KCNMA1: variants seen among roughly 807,000 people sequenced by gnomAD.
The protein encoded by KCNMA1 is Calcium-activated potassium channel subunit alpha-1.
KCNMA1 carries 29 observed loss-of-function variants against 140.0 expected under a neutral mutation model. That is an observed-to-expected ratio of 0.21 (90% CI 0.15 to 0.28). KCNMA1 has a LOEUF of 0.28. KCNMA1 is among the 10% of genes least tolerant of loss of function. The probability of loss-of-function intolerance (pLI) is 1.00; values close to 1 mark genes in which losing one functional copy is unlikely to be tolerated. For synonymous variants in KCNMA1, 612 were observed against 611.9 expected, an observed-to-expected ratio of 1.00 and a Z score of 0.00; for missense variants, 880 against 1,602.2, an observed-to-expected ratio of 0.55 and a Z score of 7.70.
intron 3 of KCNMA1, among the ~76,000 whole-genome samples, chr10:77,202,976 G>T (rs1387573892): frequency 6.6e-6 from 1 of 152,166 alleles, no homozygotes; most frequent in African/African-American, 2.4e-5. Flanking sequence ...TGGAATTGAA[G>T]CCTCAGCAAA....
intron 14 of KCNMA1, among the ~76,000 whole-genome samples, chr10:77,056,569 A>T (rs2095548127): frequency 6.6e-6 from 1 of 151,668 alleles, no homozygotes. Flanking sequence ...GAAAATCTCA[A>T]CTTGCATGGA....
At chr10:76,985,849 T>C (rs1234135803) in intron 19 of KCNMA1, among the ~76,000 whole-genome samples, 2 of 152,214 alleles carry the variant, frequency 1.3e-5, no homozygotes, top group African/African-American at 4.8e-5. Flanking sequence ...AAATAAAGTG[T>C]AGCCTGTGAA....
intron 10 of KCNMA1, 22 bp from the exon 11 acceptor site, chr10:77,086,615 C>G: frequency 6.4e-7 from 1 of 1,554,874 alleles, no homozygotes; most frequent in Non-Finnish European, 8.9e-7. Flanking sequence ...GAGAAGAAAT[C>G]GCTATTAATT....
chr10:77,516,923 G>A (rs1373487606), intron 1 of KCNMA1, among the ~76,000 whole-genome samples: 1 of 152,038 alleles, frequency 6.6e-6, no homozygotes, highest in Non-Finnish European at 1.5e-5. Context: ...GCATCACTGG[G>A]GAACAGGTGT....
At chr10:76,892,917 T>G (rs2040814335) in intron 25 of KCNMA1, among the ~76,000 whole-genome samples, 1 of 152,142 alleles carries the variant, frequency 6.6e-6, no homozygotes, top group African/African-American at 2.4e-5. Context: ...AAACACCCAT[T>G]GTGATACAAA....
chr10:77,023,834 T>C (rs1156413116), intron 16 of KCNMA1, among the ~76,000 whole-genome samples: 2 of 152,116 alleles, frequency 1.3e-5, no homozygotes, highest in African/African-American at 2.4e-5. Flanking sequence ...TAGGATACCA[T>C]TGGAGACACA....
At chr10:77,571,496 CA>C (rs1308023115) in intron 1 of KCNMA1, among the ~76,000 whole-genome samples, 2 of 152,202 alleles carry the variant, frequency 1.3e-5, no homozygotes, top group Admixed American at 6.5e-5. Flanking sequence ...CTTATGATTA[CA>C]AATTCTCACA....
intron 2 of KCNMA1, among the ~76,000 whole-genome samples, chr10:77,389,545 G>A (rs1355387637): frequency 1.3e-5 from 2 of 152,086 alleles, no homozygotes; most frequent in Non-Finnish European, 2.9e-5. Flanking sequence ...TGGAAAGGAG[G>A]CTCTTCCAGT....
intron 15 of KCNMA1, among the ~76,000 whole-genome samples, chr10:77,032,111 A>C (rs1200897061): frequency 1.3e-5 from 2 of 152,170 alleles, no homozygotes; most frequent in African/African-American, 2.4e-5. Flanking sequence ...TTCAATCCAC[A>C]ATGCCAAGAT....
At chr10:77,233,570 G>A (rs1004730780) in intron 3 of KCNMA1, among the ~76,000 whole-genome samples, 10 of 152,206 alleles carry the variant, frequency 6.6e-5, no homozygotes, top group African/African-American at 2.2e-4. Context: ...AATGCAGAAT[G>A]TGAGCAAACT....
At chr10:77,564,034 A>G (rs887331321) in intron 1 of KCNMA1, among the ~76,000 whole-genome samples, 2 of 152,258 alleles carry the variant, frequency 1.3e-5, no homozygotes, top group Admixed American at 6.5e-5. Context: ...CCTTATTATT[A>G]GGCACATGGC....
chr10:76,938,105 G>GTCCT (rs34461506), intron 23 of KCNMA1, among the ~76,000 whole-genome samples: 62,713 of 151,574 alleles, frequency 0.41, 13,314 homozygotes, highest in Middle Eastern at 0.48. Flanking sequence ...TTCTGAGATG[G>GTCCT]TATACTTCTG....
chr10:76,957,551 C>G (rs1314492528), intron 20 of KCNMA1, among the ~76,000 whole-genome samples: 1 of 152,186 alleles, frequency 6.6e-6, no homozygotes, highest in East Asian at 1.9e-4. Context: ...AGTGGGTTTT[C>G]TATCATTGAG....
chr10:77,090,709 C>T (rs1213169556), intron 9 of KCNMA1, 199 bp from the exon 10 acceptor site: 2 of 602,514 alleles, frequency 3.3e-6, no homozygotes, highest in African/African-American at 3.7e-5. Context: ...GACTCCTAGA[C>T]AGAAAAGCCA....
chr10:77,544,009 G>C (rs1007171053), intron 1 of KCNMA1, among the ~76,000 whole-genome samples: 4 of 152,110 alleles, frequency 2.6e-5, no homozygotes, highest in African/African-American at 4.8e-5. Context: ...CCAGAACTCA[G>C]AACTTCCTTT....
intron 2 of KCNMA1, among the ~76,000 whole-genome samples, chr10:77,255,284 A>G (rs1198765541): frequency 6.6e-6 from 1 of 152,192 alleles, no homozygotes; most frequent in Non-Finnish European, 1.5e-5. Flanking sequence ...AAAGAATGCC[A>G]GGAACACACA....
intron 1 of KCNMA1, among the ~76,000 whole-genome samples, chr10:77,580,683 T>C (rs2075630208): frequency 6.6e-6 from 1 of 152,176 alleles, no homozygotes; most frequent in Non-Finnish European, 1.5e-5. Flanking sequence ...ATCTGTGCTT[T>C]GCAAAAGAGG....
Position 76,922,851 on chromosome 10 carries a change from C to T in KCNMA1, c.2903-7802G>A, listed in dbSNP as rs571838821. Among the ~76,000 whole-genome samples, 5 of 152,298 alleles carry T rather than the reference C, an allele frequency of 3.3e-5. No homozygotes were observed. In the East Asian group the frequency reaches 9.7e-4, roughly 29 times the overall value. On this transcript the variant is annotated intron_variant, in intron 23 of 27. Coordinates refer to ENST00000286628, the MANE Select transcript of KCNMA1 (RefSeq NM_001161352.2). ...AACTAGTACAACAACTGAGAAAAAT[C>T]TCCATTCTCTTCGCGGTGAAATGAT...
At chr10:77,268,216 T>C (rs969919977) in intron 2 of KCNMA1, among the ~76,000 whole-genome samples, 8 of 152,202 alleles carry the variant, frequency 5.3e-5, no homozygotes, top group African/African-American at 1.9e-4. Flanking sequence ...AGTGCTCCTG[T>C]AGCCACTCTA....
Sources: gnomAD v4.1 joint callset for allele counts (sites outside exome capture counted in the v4.1 genomes callset) on GRCh38, gnomAD v4.1.1 for gene constraint, MANE v1.5 for transcripts, NCBI Gene and HGNC (gene_info 2026-07-23, HGNC 2026-07-21) for gene names.